UVRAG: variants seen among roughly 807,000 people sequenced by gnomAD.
The protein encoded by UVRAG is UV radiation resistance associated.
In UVRAG, 19 loss-of-function variants were observed where a neutral mutation model predicts 78.0. That is an observed-to-expected ratio of 0.24 (90% CI 0.17 to 0.36). UVRAG has a LOEUF of 0.36. UVRAG is among the 10% of genes least tolerant of loss of function. UVRAG has a pLI of 1.00. For missense variants in UVRAG, 740 were observed against 853.8 expected (o/e 0.87, Z 1.66); for synonymous variants, 323 against 324.6 (o/e 1.00, Z 0.05).
chr11:75,988,890 A>G (rs1213241040), intron 8 of UVRAG, among the ~76,000 whole-genome samples: 2 of 152,096 alleles, frequency 1.3e-5, no homozygotes, highest in African/African-American at 4.8e-5. Context: ...TAGATCTTTC[A>G]TCTGTTTTTT....
intron 14 of UVRAG, among the ~76,000 whole-genome samples, chr11:76,134,728 C>CTG (rs1266754725): frequency 6.6e-6 from 1 of 152,214 alleles, no homozygotes; most frequent in Non-Finnish European, 1.5e-5. Flanking sequence ...ACAACTACTA[C>CTG]TGACGCTAGT....
At chr11:76,008,993 A>G (rs1260443516) in intron 11 of UVRAG, 126 bp downstream of exon 11, 1 of 517,852 alleles carries the variant, frequency 1.9e-6, no homozygotes, top group Non-Finnish European at 3.5e-6. Context: ...TCCCAATTGC[A>G]AGTATGTATA....
rs376639431 is a variant in UVRAG, at chr11:76,143,943, G to A, written c.*2530G>A. Among the ~76,000 whole-genome samples the A allele has an allele frequency of 2.0e-5, 3 of 152,134 alleles. No individual in the cohort carries two copies. Among genetic ancestry groups the A allele is most frequent in the South Asian group, 2.1e-4 (1 of 4,826 alleles). On this transcript the variant is annotated 3_prime_UTR_variant, in exon 15 of 15. Coordinates refer to ENST00000356136, the MANE Select transcript of UVRAG (RefSeq NM_003369.4). ...TACAGCTGAGACACTTTTAAACAGC[G>A]GGCAAATGTTATCAAATGAATATTT...
In UVRAG at chr11:75,834,315, T is replaced by G. The variant is rs185907641; in HGVS notation, c.118-17568T>G. On this transcript the variant is annotated intron_variant, in intron 1 of 14. Coordinates refer to ENST00000356136, the MANE Select transcript of UVRAG (RefSeq NM_003369.4). Reference sequence around the variant, plus strand: ...ATCTGATGTTTCCTCATGATTAGATTCAGATTACACATTTTCAGTTGGAAT... The same window carrying G: ...ATCTGATGTTTCCTCATGATTAGATGCAGATTACACATTTTCAGTTGGAAT... Among the ~76,000 whole-genome samples the G allele has an allele frequency of 5.3e-5, 8 of 152,308 alleles. No individual in the cohort carries two copies. In the East Asian group the frequency reaches 1.2e-3, roughly 22 times the overall value.
intron 8 of UVRAG, among the ~76,000 whole-genome samples, chr11:75,987,918 A>G (rs1289032398): frequency 3.3e-5 from 5 of 152,044 alleles, no homozygotes; most frequent in African/African-American, 7.2e-5. Context: ...TTGTAATTTT[A>G]GTGGAGATGG....
chr11:75,913,252 A>G (rs1002120818), intron 6 of UVRAG, among the ~76,000 whole-genome samples: 1 of 152,222 alleles, frequency 6.6e-6, no homozygotes, highest in Non-Finnish European at 1.5e-5. Context: ...TGACCTTATT[A>G]GAGAAAACAG....
intron 3 of UVRAG, among the ~76,000 whole-genome samples, chr11:75,874,134 T>C (rs2134839165): frequency 1.3e-5 from 2 of 152,314 alleles, no homozygotes; most frequent in African/African-American, 2.4e-5. Flanking sequence ...TCTCAGAGAA[T>C]AGGGCATAGG....
chr11:76,114,789 T>G (rs1952145529), intron 13 of UVRAG, among the ~76,000 whole-genome samples: 1 of 152,170 alleles, frequency 6.6e-6, no homozygotes, highest in Admixed American at 6.5e-5. Context: ...TTATGCCCCC[T>G]GTTGTCTTAC....
chr11:75,969,904 A>C (rs1193754860), intron 7 of UVRAG, among the ~76,000 whole-genome samples: 1 of 152,164 alleles, frequency 6.6e-6, no homozygotes, highest in African/African-American at 2.4e-5. Context: ...TTCCTTTTAA[A>C]GTTTTCTATC....
chr11:75,981,803 C>T (rs1408211832), intron 7 of UVRAG, among the ~76,000 whole-genome samples: 1 of 152,002 alleles, frequency 6.6e-6, no homozygotes, highest in Non-Finnish European at 1.5e-5. Flanking sequence ...AGACTTTTCC[C>T]TGCTTCCTCT....
At chr11:76,075,470 G>A (rs536977974) in intron 13 of UVRAG, among the ~76,000 whole-genome samples, 2 of 152,046 alleles carry the variant, frequency 1.3e-5, no homozygotes, top group South Asian at 2.1e-4. Flanking sequence ...AAAATTAGCC[G>A]GGCAGGGTTG....
In UVRAG at chr11:75,943,227, A is replaced by G. The variant is rs1467489180; in HGVS notation, c.594-18217A>G. ...GTTTTTAGTTTCTTTGTAGTTATCG[A>G]TCTATTCAGGTTTTCAACCTCTTAT... is the stretch of plus-strand genomic sequence containing the variant. On this transcript the variant is annotated intron_variant, in intron 6 of 14. Transcript: ENST00000356136. Among the ~76,000 whole-genome samples the G allele has an allele frequency of 4.0e-5, 6 of 151,174 alleles. No individual in the cohort carries two copies. The East Asian group carries it at 1.2e-3, about 29-fold the overall frequency.
chr11:75,922,819 G>C (rs920228450), intron 6 of UVRAG, among the ~76,000 whole-genome samples: 3 of 151,594 alleles, frequency 2.0e-5, no homozygotes, highest in Non-Finnish European at 4.4e-5. Context: ...GTGGTGGCAC[G>C]CACCTGTAAT....
chr11:75,884,240 T>TCTCTCTCTTTCTCTCTCTCTCTC (rs1555080662), intron 4 of UVRAG, among the ~76,000 whole-genome samples: 30 of 132,538 alleles, frequency 2.3e-4, no homozygotes, highest in East Asian at 1.7e-3. Flanking sequence ...CTCTCTCTCT[T>TCTCTCTCTTTCTCTCTCTCTCTC]TCTCTCTCTC....
chr11:75,892,390 C>T (rs1449682321), intron 5 of UVRAG: 2 of 985,284 alleles, frequency 2.0e-6, no homozygotes, highest in East Asian at 1.1e-4. Flanking sequence ...CATGGGAATG[C>T]AGAGTAAGTG....
intron 4 of UVRAG, among the ~76,000 whole-genome samples, chr11:75,888,612 G>A (rs1376243041): frequency 6.6e-6 from 1 of 152,202 alleles, no homozygotes. Flanking sequence ...GCCTGTGATT[G>A]CATGTGATAG....
At chr11:75,844,743 G>A (rs150886067) in intron 1 of UVRAG, among the ~76,000 whole-genome samples, 2 of 151,732 alleles carry the variant, frequency 1.3e-5, no homozygotes, top group African/African-American at 4.8e-5. Flanking sequence ...TGCCATCATG[G>A]CTCACTGCAG....
At chr11:75,990,272 A>G (rs1170344113) in intron 8 of UVRAG, among the ~76,000 whole-genome samples, 1 of 152,224 alleles carries the variant, frequency 6.6e-6, no homozygotes, top group South Asian at 2.1e-4. Context: ...CCAGCTGTGT[A>G]ACCTTGTCCA....
At chr11:75,869,731 A>G (rs1946610553) in intron 3 of UVRAG, among the ~76,000 whole-genome samples, 1 of 152,260 alleles carries the variant, frequency 6.6e-6, no homozygotes, top group South Asian at 2.1e-4. Flanking sequence ...GGAAGTCTGA[A>G]TAAAAGTGAA....
Sources: allele counts gnomAD v4.1 joint callset (sites outside exome capture counted in the v4.1 genomes callset), GRCh38; gene constraint gnomAD v4.1.1; transcripts MANE v1.5; gene names NCBI Gene and HGNC (gene_info 2026-07-23, HGNC 2026-07-21).